Variants in TG observed in about 807,000 individuals in gnomAD.
The protein encoded by TG is thyroid hormones.
A neutral mutation model predicts 324.7 loss-of-function variants in TG; 270 were observed. The observed-to-expected ratio is 0.83, with a 90% CI of 0.75 to 0.92. The LOEUF is 0.92. TG is among the 40% of genes least tolerant of loss of function. The pLI is 0.00. For missense variants in TG, 3,591 were observed against 3,456.4 expected, an observed-to-expected ratio of 1.04 and a Z score of -0.98; for synonymous variants, 1,401 against 1,327.0, an observed-to-expected ratio of 1.06 and a Z score of -1.21.
Position 133,095,183 on chromosome 8 carries a change from A to G in TG, c.7379A>G (p.Asn2460Ser), listed in dbSNP as rs779409681. 2.4e-5 allele frequency: 38 copies of G among 1,614,072 alleles called. No individual in the cohort carries two copies. The highest frequency in any genetic ancestry group is 9.3e-6 in the Non-Finnish European group (11 of 1,180,028). Residue 2460 changes from asparagine (N) to serine (S), a missense_variant, in exon 42 of 48, where the codon AAT becomes AGT. By Grantham distance (46) the Asn-to-Ser change is conservative. Coordinates refer to ENST00000220616, the MANE Select transcript of TG (RefSeq NM_003235.5). ...VVSCLRQKPA[N>S]VLNDAQTKLL... ...TCCTGCCTCCGCCAGAAGCCTGCCA[A>G]TGTCCTCAATGATGCCCAGACCAAG...
intron 41 of TG, chr8:133,048,519 C>A (rs1839878365): frequency 6.5e-6 from 1 of 154,674 alleles, no homozygotes; most frequent in Non-Finnish European, 1.4e-5. Context: ...CCGTGCTCAG[C>A]CCTGCTCTTC....
chr8:132,926,775 G>GA (rs1821924974), intron 22 of TG, among the ~76,000 whole-genome samples: 1 of 152,104 alleles, frequency 6.6e-6, no homozygotes, highest in Non-Finnish European at 1.5e-5. Context: ...CTCACAACCA[G>GA]AAAACTGAAA....
chr8:133,054,282 A>G (rs1290965881), intron 41 of TG, among the ~76,000 whole-genome samples: 1 of 152,194 alleles, frequency 6.6e-6, no homozygotes, highest in Non-Finnish European at 1.5e-5. Context: ...ACTTAAGATA[A>G]GGAAACAAAT....
intron 35 of TG, among the ~76,000 whole-genome samples, chr8:133,007,319 A>T (rs190883296): frequency 6.6e-4 from 100 of 152,196 alleles, no homozygotes; most frequent in East Asian, 1.9e-4. Flanking sequence ...ATGTGTTTTT[A>T]AATTTTTTTT....
chr8:133,132,963 G>A (rs1210842160), intron 46 of TG, among the ~76,000 whole-genome samples: 1 of 152,222 alleles, frequency 6.6e-6, no homozygotes, highest in Admixed American at 6.5e-5. Context: ...TGCAGGGCTG[G>A]TGTTTGGGCT....
At chr8:133,114,969 TTTAGA>T (rs1044066162) in intron 44 of TG, among the ~76,000 whole-genome samples, 8 of 149,508 alleles carry the variant, frequency 5.4e-5, no homozygotes, top group African/African-American at 1.7e-4. Context: ...AGATCTCCAC[TTTAGA>T]TTAAACAGCC....
chr8:133,080,763 C>T (rs1588026876), intron 41 of TG, among the ~76,000 whole-genome samples: 5 of 152,226 alleles, frequency 3.3e-5, no homozygotes, highest in Non-Finnish European at 5.9e-5. Context: ...AAGCCCCTCA[C>T]CTCTTCCTCA....
At position 133,095,053 on chromosome 8, in the gene TG, G is replaced by T. The variant is rs139465983; in HGVS notation, c.7249G>T (p.Ala2417Ser). 1.9e-6 allele frequency: 3 copies of T among 1,613,598 alleles called. No homozygotes were observed. Among genetic ancestry groups the T allele is most frequent in the Middle Eastern group, 1.8e-4 (1 of 5,664 alleles). Residue 2417 changes from alanine to serine, a missense_variant, in exon 42 of 48, where the codon GCA becomes TCA. Ala to Ser is a moderately conservative substitution (Grantham distance 99). Coordinates refer to ENST00000220616, the MANE Select transcript of TG (RefSeq NM_003235.5). ...FRRAVLMGGS[A>S]LSPAAVISHE... The stretch of plus-strand genomic sequence containing the variant: ...CTGCTTTCTCTTCCAGGGAGGCTCC[G>T]CACTCTCCCCGGCCGCCGTCATCAG...
rs559626460 is a variant in TG at position 133,126,500 on chromosome 8, T to C, written c.7863-5312T>C. On this transcript the variant is annotated intron_variant, in intron 45 of 47. Coordinates refer to ENST00000220616, the MANE Select transcript of TG (RefSeq NM_003235.5). Reference sequence around the variant, plus strand: ...AGATAGTTGAAAGTTTTGAGTCTACTGTGAAACAATATATCATACAGCTCT... The same window carrying C: ...AGATAGTTGAAAGTTTTGAGTCTACCGTGAAACAATATATCATACAGCTCT... 1.1e-4 allele frequency among the ~76,000 whole-genome samples: 16 copies of C among 147,928 alleles called. No individual in the cohort carries two copies. In the East Asian group the frequency reaches 3.0e-3, roughly 28 times the overall value.
At chr8:133,002,849 T>G (rs1029813956) in intron 35 of TG, 4 of 242,336 alleles carry the variant, frequency 1.7e-5, no homozygotes, top group Admixed American at 1.1e-4. Flanking sequence ...CCTTGTTCAT[T>G]TGCAACAATG....
At chr8:133,112,438 T>A (rs11774274) in intron 43 of TG, among the ~76,000 whole-genome samples, 5 of 151,984 alleles carry the variant, frequency 3.3e-5, no homozygotes, top group Admixed American at 2.0e-4. Flanking sequence ...AGGAGGAAAC[T>A]GGGTCCTGGG....
At chr8:133,054,399 C>T (rs1048438926) in intron 41 of TG, among the ~76,000 whole-genome samples, 4 of 152,122 alleles carry the variant, frequency 2.6e-5, no homozygotes, top group East Asian at 1.9e-4. Context: ...ATCCCACCTC[C>T]GCCACTACAC....
Position 133,134,823 on chromosome 8 carries a change from C to A in TG, c.*29C>A, listed in dbSNP as rs771787440. ...GCCCTTGAGCTCCCCAAAAACCTCA[C>A]CCGAGGCTGCCCACTATGGTCATCT... On this transcript the variant is annotated 3_prime_UTR_variant, in exon 48 of 48. Coordinates refer to ENST00000220616, the MANE Select transcript of TG (RefSeq NM_003235.5). 2 of 1,564,688 alleles carry A rather than the reference C, an allele frequency of 1.3e-6. No homozygotes were observed. Among genetic ancestry groups the A allele is most frequent in the Non-Finnish European group, 1.8e-6 (2 of 1,134,936 alleles).
chr8:132,947,829 A>C (rs574498381), intron 26 of TG, among the ~76,000 whole-genome samples: 1 of 152,360 alleles, frequency 6.6e-6, no homozygotes, highest in African/African-American at 2.4e-5. Flanking sequence ...ATATACTTAA[A>C]GACTTACCAC....
At chr8:133,116,791 ACCACTTAACC>A (rs1365536275) in intron 45 of TG, 75 bp downstream of exon 45, 1 of 1,194,918 alleles carries the variant, frequency 8.4e-7, no homozygotes, top group Non-Finnish European at 1.2e-6. Flanking sequence ...CATGGGACAC[ACCACTTAACC>A]CCTCTAAGCC....
intron 24 of TG, among the ~76,000 whole-genome samples, chr8:132,934,817 A>G (rs1325285469): frequency 6.6e-6 from 1 of 152,224 alleles, no homozygotes; most frequent in Non-Finnish European, 1.5e-5. Context: ...TCCACATAGC[A>G]AGACTGCTGA....
chr8:133,027,493 G>A (rs1039265890), intron 40 of TG, among the ~76,000 whole-genome samples: 13 of 152,186 alleles, frequency 8.5e-5, no homozygotes, highest in African/African-American at 3.1e-4. Context: ...AGAAGAACTG[G>A]AGCTGAGACA....
At chr8:133,004,819 A>C (rs1459607337) in intron 35 of TG, among the ~76,000 whole-genome samples, 1 of 152,164 alleles carries the variant, frequency 6.6e-6, no homozygotes, top group Non-Finnish European at 1.5e-5. Flanking sequence ...TTATCCCAGC[A>C]CCAGCATGAG....
intron 36 of TG, 89 bp downstream of exon 36, chr8:133,012,124 A>G: frequency 1.3e-6 from 2 of 1,569,018 alleles, no homozygotes; most frequent in Admixed American, 1.7e-5. Flanking sequence ...AACACATGAG[A>G]CACTACGATA....
Sources: allele counts gnomAD v4.1 joint callset (sites outside exome capture counted in the v4.1 genomes callset), GRCh38; gene constraint gnomAD v4.1.1; transcripts MANE v1.5; gene names NCBI Gene and HGNC (gene_info 2026-07-23, HGNC 2026-07-21).